The following SUMF1 variants were observed in gnomAD, a reference collection of about 807,000 sequenced individuals.
SUMF1 encodes formylglycine-generating enzyme.
SUMF1 carries 48 observed loss-of-function variants against 47.6 expected under a neutral mutation model. The ratio of observed to expected loss-of-function variants is 1.01; its 90% CI spans 0.80 to 1.28. The LOEUF (loss-of-function observed/expected upper bound fraction) is 1.28. SUMF1 is among the 50% of genes most tolerant of loss of function. SUMF1 has a pLI of 0.00. For synonymous variants in SUMF1, 230 were observed against 192.1 expected (o/e 1.20, Z -1.63); for missense variants, 571 against 485.4 (o/e 1.18, Z -1.66).
chr3:4,267,814 G>A (rs1697227109), intron 8 of SUMF1, among the ~76,000 whole-genome samples: 1 of 148,884 alleles, frequency 6.7e-6, no homozygotes, highest in African/African-American at 2.5e-5. Context: ...CAACCATTGT[G>A]GAAGTCAGTG....
At chr3:4,285,805 C>A (rs1697621471) in intron 8 of SUMF1, among the ~76,000 whole-genome samples, 1 of 152,084 alleles carries the variant, frequency 6.6e-6, no homozygotes. Flanking sequence ...CAAATGCACA[C>A]AACTGCCAAA....
chr3:4,192,630 G>T (rs1456869167), intron 8 of SUMF1, among the ~76,000 whole-genome samples: 1 of 152,036 alleles, frequency 6.6e-6, no homozygotes, highest in Non-Finnish European at 1.5e-5. Flanking sequence ...AAGTGTCTTT[G>T]TTACTCTTGA....
chr3:4,359,093 C>T (rs1002124633), downstream of SUMF1, among the ~76,000 whole-genome samples: 1 of 152,166 alleles, frequency 6.6e-6, no homozygotes, highest in Non-Finnish European at 1.5e-5. Context: ...GAAAGTGAGG[C>T]TTTTCAGGAC....
chr3:4,229,502 C>T (rs73806957), intron 8 of SUMF1, among the ~76,000 whole-genome samples: 1 of 152,094 alleles, frequency 6.6e-6, no homozygotes, highest in Admixed American at 6.6e-5. Flanking sequence ...GTTCTCTCAT[C>T]TATGAAATTA....
rs552380964 is a variant in SUMF1, at chr3:4,308,046, C to A, written c.1014+68284G>T. ...CGTCTTAAAAAAAAAAAATCCCATT[C>A]TCCGTGTCCTTTATACTTTTCTGAC... On this transcript the variant is annotated intron_variant and NMD_transcript_variant, in intron 8 of 12. Transcript: ENST00000448413. Among the ~76,000 whole-genome samples, 5 of 152,192 alleles carry A rather than the reference C, an allele frequency of 3.3e-5. No homozygotes were observed. The East Asian group carries it at 9.7e-4, about 29-fold the overall frequency.
chr3:4,432,886 T>A (rs1702279606), intron 3 of SUMF1, among the ~76,000 whole-genome samples: 1 of 152,096 alleles, frequency 6.6e-6, no homozygotes, highest in Non-Finnish European at 1.5e-5. Flanking sequence ...ATGAAAAAAG[T>A]CCTCTGTTCC....
intron 6 of SUMF1, among the ~76,000 whole-genome samples, chr3:4,414,324 C>T (rs1000601589): frequency 6.6e-6 from 1 of 152,208 alleles, no homozygotes; most frequent in African/African-American, 2.4e-5. Flanking sequence ...GAGCAGGACC[C>T]TGTCTCAAAT....
chr3:4,146,935 G>A (rs187570032), intron 8 of SUMF1, among the ~76,000 whole-genome samples: 16 of 151,906 alleles, frequency 1.1e-4, no homozygotes, highest in Admixed American at 2.0e-4. Flanking sequence ...CCAGGCTATC[G>A]TTGTTGGACA....
intron 6 of SUMF1, among the ~76,000 whole-genome samples, chr3:4,415,300 A>G (rs1701676664): frequency 6.6e-6 from 1 of 152,084 alleles, no homozygotes; most frequent in Non-Finnish European, 1.5e-5. Flanking sequence ...TGAGGGCCAC[A>G]AAAGCCATCA....
intron 7 of SUMF1, among the ~76,000 whole-genome samples, chr3:4,389,053 T>C (rs1272746301): frequency 1.3e-5 from 2 of 152,194 alleles, no homozygotes; most frequent in Non-Finnish European, 1.5e-5. Context: ...CTTACCATGT[T>C]CTTCCTTCCA....
At chr3:4,280,963 A>G (rs1242315787) in intron 8 of SUMF1, among the ~76,000 whole-genome samples, 1 of 151,938 alleles carries the variant, frequency 6.6e-6, no homozygotes, top group Non-Finnish European at 1.5e-5. Context: ...ATCACCTGCA[A>G]AGACCCTATT....
intron 3 of SUMF1, among the ~76,000 whole-genome samples, chr3:4,432,075 C>T (rs1225302070): frequency 6.6e-6 from 1 of 151,994 alleles, no homozygotes; most frequent in African/African-American, 2.4e-5. Flanking sequence ...TCCCAGGGAT[C>T]AGATGGAATA....
chr3:4,413,842 A>G (rs1362814681), intron 6 of SUMF1, among the ~76,000 whole-genome samples: 1 of 151,884 alleles, frequency 6.6e-6, no homozygotes, highest in Non-Finnish European at 1.5e-5. Flanking sequence ...TCTGGGAAAC[A>G]CAATGAGACC....
intron 8 of SUMF1, among the ~76,000 whole-genome samples, chr3:4,174,426 G>A (rs1453936449): frequency 2.0e-5 from 3 of 151,704 alleles, no homozygotes; most frequent in African/African-American, 7.3e-5. Context: ...GCCAGGGACA[G>A]TGGCTCATGC....
intron 8 of SUMF1, among the ~76,000 whole-genome samples, chr3:4,363,265 C>A (rs1287715462): frequency 6.6e-6 from 1 of 152,150 alleles, no homozygotes; most frequent in African/African-American, 2.4e-5. Flanking sequence ...TTTATGATAT[C>A]ATTTAATGCC....
chr3:4,442,050 G>C (rs750102921), intron 3 of SUMF1, among the ~76,000 whole-genome samples: 7 of 152,164 alleles, frequency 4.6e-5, no homozygotes, highest in Non-Finnish European at 8.8e-5. Context: ...GGTTGGGCAG[G>C]AGAAAGAAAA....
At chr3:4,322,122 T>C (rs955203621) in intron 8 of SUMF1, among the ~76,000 whole-genome samples, 7 of 152,074 alleles carry the variant, frequency 4.6e-5, no homozygotes, top group Admixed American at 3.9e-4. Context: ...GTCTAAGAAA[T>C]TGTCACAACC....
In SUMF1 at chr3:4,206,864, G is replaced by C. The variant is rs140706770; in HGVS notation, c.1015-138119C>G. Among the ~76,000 whole-genome samples the C allele has an allele frequency of 6.8e-3, 1,028 of 151,902 alleles. 11 individuals are homozygous for C. The highest frequency in any genetic ancestry group is 0.023 in the African/African-American group (973 of 41,450). On this transcript the variant is annotated intron_variant and NMD_transcript_variant, in intron 8 of 12. Transcript: ENST00000448413. ...TACTCTGCATTTCCACTTAAATTTA[G>C]GAACTAGTTGTCAATTTCTATGAAA...
chr3:4,136,440 C>T (rs1406354359), intron 8 of SUMF1, among the ~76,000 whole-genome samples: 2 of 152,030 alleles, frequency 1.3e-5, no homozygotes, highest in African/African-American at 2.4e-5. Flanking sequence ...GAAACTGGAT[C>T]CCTTCCTCAC....
Sources: allele counts gnomAD v4.1 joint callset (sites outside exome capture counted in the v4.1 genomes callset), GRCh38; gene constraint gnomAD v4.1.1; transcripts MANE v1.5; gene names NCBI Gene and HGNC (gene_info 2026-07-23, HGNC 2026-07-21).